LIMS1: variants seen among roughly 807,000 people sequenced by gnomAD.
LIMS1 encodes the protein LIM zinc finger domain containing 1.
A neutral mutation model predicts 44.1 loss-of-function variants in LIMS1; 18 were observed. That is an observed-to-expected ratio of 0.41 (90% CI 0.28 to 0.61). The LOEUF is 0.61. Among genes scored for constraint, LIMS1 ranks in the 20% least tolerant of loss-of-function variants. LIMS1 has a pLI of 0.32. For synonymous variants in LIMS1, 93 were observed against 149.1 expected, an observed-to-expected ratio of 0.62 and a Z score of 2.74; for missense variants, 201 against 422.0, an observed-to-expected ratio of 0.48 and a Z score of 4.59.
intron 1 of LIMS1, among the ~76,000 whole-genome samples, chr2:108,644,341 A>G (rs970346758): frequency 2.0e-5 from 3 of 152,168 alleles, no homozygotes; most frequent in Non-Finnish European, 4.4e-5. Context: ...CGCCAGTGAT[A>G]CCCAGGCAAA....
At chr2:108,656,695 T>A (rs1200962588) in intron 1 of LIMS1, among the ~76,000 whole-genome samples, 2 of 143,430 alleles carry the variant, frequency 1.4e-5, no homozygotes, top group African/African-American at 2.6e-5. Context: ...ACTAGCGGAT[T>A]TTTCCTGTGT....
chr2:108,541,729 C>T (rs1388231058), intron 1 of LIMS1, among the ~76,000 whole-genome samples: 10 of 152,142 alleles, frequency 6.6e-5, no homozygotes, highest in Admixed American at 6.6e-4. Flanking sequence ...GCTGTTCATG[C>T]CCTTCTCTGG....
At chr2:108,572,029 GTAA>G (rs1685495981) in intron 1 of LIMS1, among the ~76,000 whole-genome samples, 1 of 152,146 alleles carries the variant, frequency 6.6e-6, no homozygotes, top group Non-Finnish European at 1.5e-5. Context: ...TGCCAAAACT[GTAA>G]TAATATACAT....
intron 1 of LIMS1, among the ~76,000 whole-genome samples, chr2:108,614,725 G>A (rs1687840145): frequency 6.6e-6 from 1 of 152,202 alleles, no homozygotes; most frequent in African/African-American, 2.4e-5. Context: ...TGTTATGTGT[G>A]TTGTTGCCTT....
chr2:108,558,061 T>G (rs7591764), intron 1 of LIMS1, among the ~76,000 whole-genome samples: 101,367 of 152,052 alleles, frequency 0.67, 34,498 homozygotes, highest in East Asian at 0.97. Flanking sequence ...CCTAAAAATT[T>G]TAAGTATAGG....
chr2:108,638,641 G>A lies in LIMS1; in HGVS notation c.33-20964G>A, dbSNP rs140026309. 4.4e-3 allele frequency among the ~76,000 whole-genome samples: 670 copies of A among 152,234 alleles called. 4 individuals carry two copies. The highest frequency in any genetic ancestry group is 0.014 in the South Asian group (68 of 4,812). On this transcript the variant is annotated intron_variant, in intron 1 of 9. Coordinates refer to ENST00000544547, the Ensembl canonical transcript of LIMS1. ...ACATGCCTGTAATTCCAGCTACTCA[G>A]GAGGCTGAGGCACGAGAATCACTTG...
chr2:108,645,483 C>T (rs1346398669), intron 1 of LIMS1, among the ~76,000 whole-genome samples: 2 of 152,152 alleles, frequency 1.3e-5, no homozygotes, highest in East Asian at 3.9e-4. Flanking sequence ...TACAAGAACT[C>T]CTGAAGGAAG....
chr2:108,610,200 T>C (rs1573439458), intron 1 of LIMS1, among the ~76,000 whole-genome samples: 2 of 147,220 alleles, frequency 1.4e-5, no homozygotes, highest in Admixed American at 1.4e-4. Flanking sequence ...GTGTGTATTA[T>C]TATAAAACTA....
At chr2:108,636,225 TTGC>T (rs1323510849) in intron 1 of LIMS1, among the ~76,000 whole-genome samples, 2 of 152,180 alleles carry the variant, frequency 1.3e-5, no homozygotes, top group Non-Finnish European at 2.9e-5. Flanking sequence ...CTGGCACAGA[TTGC>T]TGGAAATCCT....
At chr2:108,584,563 A>G (rs1686018034) in intron 1 of LIMS1, among the ~76,000 whole-genome samples, 1 of 152,070 alleles carries the variant, frequency 6.6e-6, no homozygotes, top group Non-Finnish European at 1.5e-5. Flanking sequence ...CCTGCCCTCC[A>G]CAAGGTTAGA....
chr2:108,605,106 G>A (rs953366701), intron 1 of LIMS1, among the ~76,000 whole-genome samples: 2 of 152,210 alleles, frequency 1.3e-5, no homozygotes, highest in Non-Finnish European at 2.9e-5. Flanking sequence ...ACTGTGACCT[G>A]AGAGCTAGAG....
chr2:108,586,320 T>TAC (rs1169949426), intron 1 of LIMS1, among the ~76,000 whole-genome samples: 2 of 152,198 alleles, frequency 1.3e-5, no homozygotes, highest in Non-Finnish European at 2.9e-5. Flanking sequence ...GGAGCCTATT[T>TAC]ACAAACTCTT....
At chr2:108,564,414 G>A (rs56054625) in intron 1 of LIMS1, among the ~76,000 whole-genome samples, 58,880 of 151,890 alleles carry the variant, frequency 0.39, 12,864 homozygotes, top group East Asian at 0.89. Context: ...CCATTGTGGT[G>A]GTCTGAAACT....
intron 2 of LIMS1, among the ~76,000 whole-genome samples, chr2:108,665,743 A>T (rs930629851): frequency 4.5e-4 from 69 of 151,810 alleles, no homozygotes; most frequent in Non-Finnish European, 7.2e-4. Flanking sequence ...TCAGGCTGGT[A>T]TCGAACTCCT....
At chr2:108,661,798 A>G (rs1042117175) in intron 2 of LIMS1, among the ~76,000 whole-genome samples, 1 of 152,164 alleles carries the variant, frequency 6.6e-6, no homozygotes, top group Non-Finnish European at 1.5e-5. Context: ...GAGACTCCCA[A>G]GGCACATTGA....
intron 1 of LIMS1, among the ~76,000 whole-genome samples, chr2:108,656,305 C>G: frequency 1.5e-5 from 1 of 66,382 alleles, no homozygotes; most frequent in Non-Finnish European, 3.5e-5. Context: ...ATATAAATAT[C>G]TATCTATCTA....
chr2:108,567,399 T>C (rs1016541038), intron 1 of LIMS1, among the ~76,000 whole-genome samples: 5 of 152,164 alleles, frequency 3.3e-5, no homozygotes, highest in Non-Finnish European at 5.9e-5. Context: ...CCTGCAACCC[T>C]GAACTAGAAT....
intron 1 of LIMS1, among the ~76,000 whole-genome samples, chr2:108,560,349 A>C (rs1438661895): frequency 2.0e-5 from 3 of 152,136 alleles, no homozygotes; most frequent in African/African-American, 7.2e-5. Flanking sequence ...CGTAGTCTTT[A>C]GAGAGACCCA....
intron 1 of LIMS1, among the ~76,000 whole-genome samples, chr2:108,548,394 C>T (rs1219324131): frequency 2.6e-5 from 4 of 151,946 alleles, no homozygotes; most frequent in African/African-American, 9.7e-5. Context: ...CTACAGATGT[C>T]TGTTTAACAC....
Sources: allele counts gnomAD v4.1 joint callset (sites outside exome capture counted in the v4.1 genomes callset), GRCh38; gene constraint gnomAD v4.1.1; transcripts MANE v1.5; gene names NCBI Gene and HGNC (gene_info 2026-07-23, HGNC 2026-07-21).